DIDO1: variants seen among roughly 807,000 people sequenced by gnomAD.
DIDO1 encodes death-inducer obliterator 1.
Under a neutral mutation model 99.4 loss-of-function variants are expected in DIDO1, and 16 were observed. That is an observed-to-expected ratio of 0.16 (90% CI 0.11 to 0.24). DIDO1 has a LOEUF of 0.24. DIDO1 is among the 10% of genes least tolerant of loss of function. DIDO1 has a pLI of 1.00. For missense variants in DIDO1, 2,996 were observed against 3,014.0 expected, an observed-to-expected ratio of 0.99 and a Z score of 0.14; for synonymous variants, 1,366 against 1,239.1, an observed-to-expected ratio of 1.10 and a Z score of -2.15.
chr20:62,913,607 A>T (rs2064987194), intron 2 of DIDO1, among the ~76,000 whole-genome samples: 1 of 152,292 alleles, frequency 6.6e-6, no homozygotes, highest in African/African-American at 2.4e-5. Context: ...AATATTTGCA[A>T]GAAATATGAC....
chr20:62,896,544 T>C lies in DIDO1; in HGVS notation c.2041A>G (p.Ile681Val). 1.9e-6 allele frequency: 3 copies of C among 1,583,012 alleles called. No homozygotes were observed. Among genetic ancestry groups the C allele is most frequent in the Non-Finnish European group, 2.6e-6 (3 of 1,166,028 alleles). The change falls in exon 7 of 16, where the codon ATT (isoleucine) becomes GTT (valine). Residue 681 changes from isoleucine to valine, a missense_variant. Ile to Val is a conservative substitution (Grantham distance 29). This residue lies in a region of DIDO1 where 898 missense variants were observed against 972.7 expected (regional missense o/e 0.92). Transcript: ENST00000395343. The surrounding 1 kb of genome is among the most constrained non-coding windows in gnomAD (Gnocchi z 4.4). Reference protein sequence around the residue: ...RQNIRRSLKEILWKRVNDSDD... With the variant: ...RQNIRRSLKEVLWKRVNDSDD... Reference sequence around the variant, plus strand: ...AGAACAGCCCACCTTTTCCACAAAATCTCTTTTAAGGAGCGTCTGATATTT... The same window carrying C: ...AGAACAGCCCACCTTTTCCACAAAACCTCTTTTAAGGAGCGTCTGATATTT...
chr20:62,886,436 C>T (rs1179003208), intron 15 of DIDO1, among the ~76,000 whole-genome samples: 1 of 152,192 alleles, frequency 6.6e-6, no homozygotes, highest in Non-Finnish European at 1.5e-5. Flanking sequence ...ACCACACGCA[C>T]AGGAAAAGAA....
rs1475742890 is a variant in DIDO1, at chr20:62,879,319, C to A, written c.6637G>T (p.Asp2213Tyr). The A allele has an allele frequency of 2.5e-6, 4 of 1,570,544 alleles. No individual in the cohort carries two copies. Among genetic ancestry groups the A allele is most frequent in the South Asian group, 1.2e-5 (1 of 86,252 alleles). The change falls in exon 16 of 16, where the codon GAC (aspartate) becomes TAC (tyrosine). Residue 2213 changes from aspartate to tyrosine, a missense_variant. By Grantham distance (160) the Asp-to-Tyr change is radical. This residue lies in a region of DIDO1 where 1,562 missense variants were observed against 1,412.6 expected (regional missense o/e 1.11). Coordinates refer to ENST00000395343, the MANE Select transcript of DIDO1 (RefSeq NM_001193369.2). This position sits in a 1 kb window ranked among gnomAD's most constrained non-coding sequence, Gnocchi z 6.3. ...RDRERGRDRK[D>Y]RSKSKESARD... ...GCGCTCTCTTTGCTCTTGCTCCGGT[C>A]CTTGCGGTCGCGGCCCCGCTCCCTG...
intron 5 of DIDO1, among the ~76,000 whole-genome samples, chr20:62,906,533 T>TC (rs1482746907): frequency 6.6e-6 from 1 of 152,156 alleles, no homozygotes; most frequent in African/African-American, 2.4e-5. Context: ...CCTTAAAAAT[T>TC]AAGTCATTCA....
At chr20:62,904,872 T>C (rs752915943) in intron 6 of DIDO1, 1 of 556,666 alleles carries the variant, frequency 1.8e-6, no homozygotes, top group Non-Finnish European at 2.3e-6. Context: ...GTGCCTTCCC[T>C]TAGGGAATCT....
chr20:62,904,687 AG>A (rs1222257779), intron 6 of DIDO1, among the ~76,000 whole-genome samples: 1 of 145,778 alleles, frequency 6.9e-6, no homozygotes, highest in Non-Finnish European at 1.5e-5. Flanking sequence ...AGGCTGAGGT[AG>A]GAGAATCATT....
chr20:62,884,624 A>G (rs533015464), intron 15 of DIDO1, among the ~76,000 whole-genome samples: 1 of 152,284 alleles, frequency 6.6e-6, no homozygotes, highest in East Asian at 1.9e-4. Context: ...AAATTCCACT[A>G]AGGAACTGAT....
At chr20:62,907,519 T>C (rs1031534048) in intron 4 of DIDO1, among the ~76,000 whole-genome samples, 160 bp from the exon 5 acceptor site, 1 of 152,272 alleles carries the variant, frequency 6.6e-6, no homozygotes, top group Non-Finnish European at 1.5e-5. Context: ...TGATTCAAGC[T>C]ATGAAAAAGC....
At chr20:62,887,722 T>C (rs933851601) in intron 15 of DIDO1, 11 of 985,384 alleles carry the variant, frequency 1.1e-5, no homozygotes, top group African/African-American at 1.7e-5. Context: ...GCTTTCAACC[T>C]GACTCATCTC....
chr20:62,899,838 G>A (rs2064623071), intron 6 of DIDO1, among the ~76,000 whole-genome samples: 1 of 152,182 alleles, frequency 6.6e-6, no homozygotes, highest in Admixed American at 6.5e-5. Flanking sequence ...GTTCTATCCA[G>A]CAACTGTTCC....
At chr20:62,893,108 C>A in intron 12 of DIDO1, 146 bp from the exon 13 acceptor site, 1 of 835,440 alleles carries the variant, frequency 1.2e-6, no homozygotes, top group South Asian at 1.9e-5. Flanking sequence ...TGGCTGCAGT[C>A]TCCGCCTCCC....
intron 1 of DIDO1, among the ~76,000 whole-genome samples, chr20:62,925,293 A>C (rs2065230770): frequency 6.6e-6 from 1 of 152,226 alleles, no homozygotes; most frequent in African/African-American, 2.4e-5. Flanking sequence ...TAAGCAATGA[A>C]TGCTCATTTA....
intron 1 of DIDO1, among the ~76,000 whole-genome samples, chr20:62,916,539 C>A (rs922222898): frequency 3.3e-5 from 5 of 152,134 alleles, no homozygotes; most frequent in Non-Finnish European, 7.4e-5. Context: ...TAAAAATAAA[C>A]CTATTAATAC....
chr20:62,931,483 G>A (rs1040134113), upstream of DIDO1, among the ~76,000 whole-genome samples: 3 of 152,162 alleles, frequency 2.0e-5, no homozygotes, highest in African/African-American at 4.8e-5. Context: ...CAGCAAACAA[G>A]CCAAAAAAAC....
intron 3 of DIDO1, 33 bp from the exon 4 acceptor site, chr20:62,910,053 G>C (rs192628155): frequency 1.9e-6 from 3 of 1,583,766 alleles, no homozygotes; most frequent in African/African-American, 1.3e-5. Flanking sequence ...TTAGCAATGG[G>C]ACGTGAGTGA....
At position 62,881,973 on chromosome 20, in the gene DIDO1, AATG is replaced by A. The variant is rs771410043; in HGVS notation, c.3980_3982del (p.Ser1327del). ...GGGAGGCTCTCTGGCGGACGGGTCG[AATG>A]ATTTCTTCTTTCCAAAGAGAGTCTG... On this transcript the variant is annotated inframe_deletion, in exon 16 of 16. Transcript: ENST00000395343. This position sits in a 1 kb window ranked among gnomAD's most constrained non-coding sequence, Gnocchi z 8.3. 6 of 1,613,222 alleles carry A rather than the reference AATG, an allele frequency of 3.7e-6. No homozygotes were observed. The African/African-American group carries it at 8.0e-5, about 22-fold the overall frequency.
rs376714622 is a variant in DIDO1, at chr20:62,923,876, C to T, written c.-200+2563G>A. On this transcript the variant is annotated intron_variant, in intron 1 of 15. Transcript: ENST00000395343. The stretch of plus-strand genomic sequence containing the variant: ...AAATGCCTCCTTTACAACTTACACA[C>T]GATTACAACCGCCTATTAAGTTTTA... Among the ~76,000 whole-genome samples the T allele has an allele frequency of 5.3e-5, 8 of 152,342 alleles. 1 individual carries two copies. Among genetic ancestry groups the T allele is most frequent in the Admixed American group, 2.6e-4 (4 of 15,298 alleles).
chr20:62,887,250 G>A (rs2064310979), intron 15 of DIDO1: 8 of 985,456 alleles, frequency 8.1e-6, no homozygotes, highest in Non-Finnish European at 8.4e-6. Context: ...AGGAGGAGAA[G>A]GCAGTACATT....
intron 1 of DIDO1, among the ~76,000 whole-genome samples, chr20:62,921,945 CTA>C (rs982148491): frequency 2.0e-5 from 3 of 149,660 alleles, no homozygotes; most frequent in Admixed American, 6.7e-5. Flanking sequence ...TATATATACA[CTA>C]TATATGTCCA....
Sources: gnomAD v4.1 joint callset for allele counts (sites outside exome capture counted in the v4.1 genomes callset) on GRCh38, gnomAD v4.1.1 for gene constraint, gnomAD v4.1.1 regional missense constraint, Gnocchi (gnomAD v3.1) non-coding constraint, MANE v1.5 for transcripts, NCBI Gene and HGNC (gene_info 2026-07-23, HGNC 2026-07-21) for gene names.